Variants in SLC12A3 observed in about 807,000 individuals in gnomAD.
SLC12A3 encodes the protein Na-Cl cotransporter.
In SLC12A3, 104 loss-of-function variants were observed where a neutral mutation model predicts 121.0. That is an observed-to-expected ratio of 0.86 (90% CI 0.73 to 1.01). The LOEUF (loss-of-function observed/expected upper bound fraction) is 1.01, where lower values mean the gene tolerates loss of function less well. SLC12A3 is among the 50% of genes least tolerant of loss of function. The probability of loss-of-function intolerance (pLI) is 0.00; values close to 1 mark genes in which losing one functional copy is unlikely to be tolerated. For synonymous variants in SLC12A3, 536 were observed against 533.4 expected (o/e 1.00, Z -0.07); for missense variants, 1,328 against 1,356.3 (o/e 0.98, Z 0.33).
intron 17 of SLC12A3, 127 bp from the exon 18 acceptor site, chr16:56,887,798 A>ATATATATATATATATATGTAT (rs1433682477): frequency 1.5e-5 from 1 of 68,456 alleles, no homozygotes; most frequent in Admixed American, 2.0e-4. Context: ...ATATATATAT[A>ATATATATATATATATATGTAT]TTTTTTTTTT....
At chr16:56,901,500 C>A (rs769549976) in intron 23 of SLC12A3, among the ~76,000 whole-genome samples, 6 of 152,120 alleles carry the variant, frequency 3.9e-5, no homozygotes, top group Non-Finnish European at 5.9e-5. Context: ...CCACCACACC[C>A]AGCTAATTTT....
chr16:56,894,270 G>A lies in SLC12A3; in HGVS notation c.2522-261G>A, dbSNP rs12445505. Among the ~76,000 whole-genome samples the A allele has an allele frequency of 0.22, 33,505 of 152,006 alleles. 3,937 individuals are homozygous for A. Among genetic ancestry groups the A allele is most frequent in the African/African-American group, 0.31 (12,842 of 41,410 alleles). ...TCCACCTGCCTCGGCCTCCCATAGT[G>A]CTGGGATTATAGGCATGAGCCATGG... On this transcript the variant is annotated intron_variant, in intron 21 of 25. Transcript: ENST00000563236.
chr16:56,902,717 C>A (rs1318600281), intron 24 of SLC12A3, among the ~76,000 whole-genome samples: 2 of 152,190 alleles, frequency 1.3e-5, no homozygotes, highest in African/African-American at 4.8e-5. Flanking sequence ...GGAGCCTGGT[C>A]CTCCTGCCCA....
At chr16:56,892,162 T>C in intron 20 of SLC12A3, 29 bp downstream of exon 20, 1 of 1,611,288 alleles carries the variant, frequency 6.2e-7, no homozygotes, top group Non-Finnish European at 8.5e-7. Context: ...CTGGCGCTTG[T>C]CAGTGTTCCC....
intron 23 of SLC12A3, among the ~76,000 whole-genome samples, chr16:56,901,868 C>T (rs946563595): frequency 7.9e-5 from 12 of 152,208 alleles, no homozygotes; most frequent in South Asian, 2.1e-4. Context: ...GGCTTCTGCA[C>T]GTTCAGTTCT....
At chr16:56,905,418 T>A (rs918726516) in intron 25 of SLC12A3, among the ~76,000 whole-genome samples, 68 of 142,640 alleles carry the variant, frequency 4.8e-4, no homozygotes, top group Admixed American at 7.7e-4. Flanking sequence ...GGACAAGGGG[T>A]CTTCGCCAAG....
At chr16:56,905,338 CAAAAAAAAAA>C (rs59206129) in intron 25 of SLC12A3, among the ~76,000 whole-genome samples, 3 of 50,750 alleles carry the variant, frequency 5.9e-5, no homozygotes, top group Admixed American at 2.1e-4. Flanking sequence ...AACTCCGTCT[CAAAAAAAAAA>C]AAAAAAAAAA....
chr16:56,865,587 GAGCCTC>G (rs1964335489), intron 1 of SLC12A3, 70 bp downstream of exon 1: 10 of 1,536,452 alleles, frequency 6.5e-6, no homozygotes, highest in African/African-American at 2.7e-5. Context: ...TAACCTCTCT[GAGCCTC>G]AGTTCTGTCA....
chr16:56,877,547 A>T (rs2055178688), intron 8 of SLC12A3, among the ~76,000 whole-genome samples: 1 of 152,230 alleles, frequency 6.6e-6, no homozygotes, highest in Non-Finnish European at 1.5e-5. Flanking sequence ...TAATGATTGA[A>T]CACGCTGTGA....
intron 19 of SLC12A3, among the ~76,000 whole-genome samples, chr16:56,890,929 A>G (rs114318866): frequency 1.3e-5 from 2 of 151,874 alleles, no homozygotes; most frequent in African/African-American, 4.8e-5. Flanking sequence ...ATGTAATAGA[A>G]AACCAGGAAA....
At chr16:56,874,762 G>A (rs1308321886) in intron 8 of SLC12A3, among the ~76,000 whole-genome samples, 2 of 152,156 alleles carry the variant, frequency 1.3e-5, no homozygotes, top group African/African-American at 4.8e-5. Flanking sequence ...CCAAGATGGC[G>A]CCACTACACT....
At position 56,872,442 on chromosome 16, in the gene SLC12A3, A is replaced by G. The variant is rs1168969016; in HGVS notation, c.944A>G (p.Lys315Arg). ...CCCCCATCTGAGGACAAGGCCTCCA[A>G]AGGCTTCTTCAGCTACCGGGGTATG... ...LIPPSEDKAS[K>R]GFFSYRADIF... is the part of the protein sequence containing the mutation. The change falls in exon 7 of 26, where the codon AAA becomes AGA. Residue 315 changes from lysine (K) to arginine (R), a missense_variant. Lys to Arg is a conservative substitution (Grantham distance 26). Coordinates refer to ENST00000563236, the MANE Select transcript of SLC12A3 (RefSeq NM_001126108.2). The G allele has an allele frequency of 8.7e-6, 14 of 1,613,822 alleles. No individual in the cohort carries two copies. Among genetic ancestry groups the G allele is most frequent in the East Asian group, 2.2e-5 (1 of 44,884 alleles).
At chr16:56,886,058 CCTCA>C (rs1185172437) in intron 15 of SLC12A3, among the ~76,000 whole-genome samples, 2 of 152,186 alleles carry the variant, frequency 1.3e-5, no homozygotes, top group Admixed American at 1.3e-4. Context: ...TGACAGGTTT[CCTCA>C]CTCCCAGGCT....
chr16:56,913,728 T>G lies in SLC12A3; in HGVS notation c.*323T>G, dbSNP rs547389953. ...TTAAGAGTTCAGTCTTTGATTTGTA[T>G]GCAAATTGGAGTCCCAATGCTGGGC... On this transcript the variant is annotated 3_prime_UTR_variant, in exon 26 of 26. Coordinates refer to ENST00000563236, the MANE Select transcript of SLC12A3 (RefSeq NM_001126108.2). The G allele has an allele frequency of 6.9e-5, 26 of 375,738 alleles. No homozygotes were observed. The highest frequency in any genetic ancestry group is 5.0e-4 in the African/African-American group (24 of 47,932). The allele number at this position is 375,738 out of a possible 1,614,324, so 23.3% of individuals were successfully genotyped here. A position where few individuals can be genotyped will look rare whatever the true frequency, so the allele number is the denominator to read the frequency against.
At chr16:56,888,147 C>T (rs930398389) in intron 18 of SLC12A3, 116 bp downstream of exon 18, 3 of 723,194 alleles carry the variant, frequency 4.1e-6, no homozygotes, top group Non-Finnish European at 7.3e-6. Context: ...GGCAAAGTGG[C>T]TGGCATCTGT....
At chr16:56,886,751 C>T (rs572351446) in intron 16 of SLC12A3, among the ~76,000 whole-genome samples, 1 of 152,256 alleles carries the variant, frequency 6.6e-6, no homozygotes, top group Middle Eastern at 3.4e-3. Flanking sequence ...CCCCAGCTGC[C>T]CTGCCTCTTT....
rs946600599 is a variant in SLC12A3 at position 56,866,924 on chromosome 16, A to G, written c.283-146A>G. ...CTCCTGGCCTAGGGAGCATTTTAAA[A>G]GCCCCTCAAGCAGCTCAACACCCAG... is the stretch of plus-strand genomic sequence containing the variant. On this transcript the variant is annotated intron_variant, in intron 1 of 25. Transcript: ENST00000563236. 7 of 1,079,476 alleles carry G rather than the reference A, an allele frequency of 6.5e-6. No individual in the cohort carries two copies. In the African/African-American group the frequency reaches 9.3e-5, roughly 14 times the overall value. The allele number at this position is 1,079,476 out of a possible 1,614,324, so 66.9% of individuals were successfully genotyped here.
At chr16:56,906,886 A>G (rs890676761) in intron 25 of SLC12A3, 25 of 569,306 alleles carry the variant, frequency 4.4e-5, no homozygotes, top group Middle Eastern at 5.4e-4. Context: ...AAGGAAGTTA[A>G]GGGGACTGTA....
chr16:56,879,371 G>T, intron 10 of SLC12A3, 144 bp downstream of exon 10: 1 of 1,197,070 alleles, frequency 8.4e-7, no homozygotes, highest in South Asian at 1.3e-5. Flanking sequence ...CAGAGCCCAG[G>T]TCTGTCCAGT....
Sources: gnomAD v4.1 joint callset for allele counts (sites outside exome capture counted in the v4.1 genomes callset) on GRCh38, gnomAD v4.1.1 for gene constraint, MANE v1.5 for transcripts, NCBI Gene and HGNC (gene_info 2026-07-23, HGNC 2026-07-21) for gene names.